UBAC2: variants seen among roughly 807,000 people sequenced by gnomAD.
UBAC2 encodes the protein UBA domain containing 2, also known as ubiquitin-associated domain-containing protein 2.
A neutral mutation model predicts 44.0 loss-of-function variants in UBAC2; 26 were observed. That is an observed-to-expected ratio of 0.59 (90% CI 0.43 to 0.82). UBAC2 has a LOEUF of 0.82. Among genes scored for constraint, UBAC2 ranks in the 40% least tolerant of loss-of-function variants. The pLI is 0.00. For synonymous variants in UBAC2, 155 were observed against 154.3 expected, an observed-to-expected ratio of 1.00 and a Z score of -0.04; for missense variants, 329 against 419.4, an observed-to-expected ratio of 0.78 and a Z score of 1.88.
At chr13:99,301,713 G>T (rs1411498613) in intron 4 of UBAC2, among the ~76,000 whole-genome samples, 1 of 152,150 alleles carries the variant, frequency 6.6e-6, no homozygotes, top group Non-Finnish European at 1.5e-5. Flanking sequence ...ATACCCACTT[G>T]GAGGGATTTG....
At chr13:99,201,364 G>T in intron 1 of UBAC2, 1 of 1,573,788 alleles carries the variant, frequency 6.4e-7, no homozygotes, top group South Asian at 1.2e-5. Context: ...GCCCCCACTT[G>T]CAAAGTTCAG....
intron 6 of UBAC2, among the ~76,000 whole-genome samples, chr13:99,338,638 T>G (rs1269732938): frequency 6.6e-6 from 1 of 152,228 alleles, no homozygotes; most frequent in Non-Finnish European, 1.5e-5. Flanking sequence ...TTTCTTTGTC[T>G]TGTACTATTT....
intron 4 of UBAC2, among the ~76,000 whole-genome samples, chr13:99,264,875 A>G (rs2043720320): frequency 6.6e-6 from 1 of 152,162 alleles, no homozygotes; most frequent in Non-Finnish European, 1.5e-5. Flanking sequence ...AGGAAAACCA[A>G]GAATGTGTCT....
chr13:99,380,746 T>C (rs2045540284), intron 8 of UBAC2, among the ~76,000 whole-genome samples: 1 of 152,240 alleles, frequency 6.6e-6, no homozygotes, highest in Admixed American at 6.5e-5. Flanking sequence ...AGGTGCCCTT[T>C]CTTAGTGTAA....
At chr13:99,203,916 T>C (rs2042836749) in intron 1 of UBAC2, among the ~76,000 whole-genome samples, 1 of 152,232 alleles carries the variant, frequency 6.6e-6, no homozygotes, top group Non-Finnish European at 1.5e-5. Context: ...CACCCTGCCA[T>C]GCCTGTTTCA....
chr13:99,305,743 A>G (rs1259173334), intron 4 of UBAC2, among the ~76,000 whole-genome samples: 1 of 152,196 alleles, frequency 6.6e-6, no homozygotes, highest in Non-Finnish European at 1.5e-5. Flanking sequence ...GTGAGTGAAC[A>G]TTTTGTGGAG....
intron 2 of UBAC2, among the ~76,000 whole-genome samples, chr13:99,239,094 G>T (rs2043271653): frequency 6.6e-6 from 1 of 152,158 alleles, no homozygotes; most frequent in South Asian, 2.1e-4. Context: ...CTATGAATTG[G>T]AGTGTTCATG....
At chr13:99,340,771 T>C (rs2044874204) in intron 7 of UBAC2, among the ~76,000 whole-genome samples, 1 of 152,200 alleles carries the variant, frequency 6.6e-6, no homozygotes, top group Admixed American at 6.5e-5. Flanking sequence ...AGCTGAAAGA[T>C]TGGTCAAACT....
chr13:99,355,072 T>G (rs1225502445), intron 7 of UBAC2, among the ~76,000 whole-genome samples: 1 of 152,186 alleles, frequency 6.6e-6, no homozygotes, highest in Admixed American at 6.5e-5. Context: ...GGATGAACTC[T>G]CCACGGAGGA....
intron 1 of UBAC2, among the ~76,000 whole-genome samples, chr13:99,216,082 T>TTGTGTGTGTGTGTGTG (rs3031384): frequency 6.7e-6 from 1 of 148,740 alleles, no homozygotes; most frequent in African/African-American, 2.5e-5. Context: ...CAACCTATAT[T>TTGTGTGTGTGTGTGTG]TGTGTGTGTG....
At chr13:99,215,616 C>A in intron 1 of UBAC2, 1 of 1,322,476 alleles carries the variant, frequency 7.6e-7, no homozygotes. Context: ...GGCAGTTGCA[C>A]CCACATGTCT....
At chr13:99,249,323 A>G (rs1487191310) in intron 4 of UBAC2, among the ~76,000 whole-genome samples, 4 of 152,130 alleles carry the variant, frequency 2.6e-5, no homozygotes, top group Non-Finnish European at 4.4e-5. Flanking sequence ...TAATTTATTT[A>G]GGATAATGGC....
At chr13:99,215,984 G>T (rs1347593180) in intron 1 of UBAC2, among the ~76,000 whole-genome samples, 1 of 152,140 alleles carries the variant, frequency 6.6e-6, no homozygotes, top group African/African-American at 2.4e-5. Context: ...AGTAATATTA[G>T]TCTTTAATAA....
chr13:99,240,307 G>C (rs1005811384), intron 2 of UBAC2, among the ~76,000 whole-genome samples: 3 of 152,162 alleles, frequency 2.0e-5, no homozygotes, highest in African/African-American at 7.2e-5. Flanking sequence ...AGCTCTCATA[G>C]TTTTGTGTCC....
At chr13:99,292,612 AT>A (rs1449037697) in intron 4 of UBAC2, among the ~76,000 whole-genome samples, 2 of 152,096 alleles carry the variant, frequency 1.3e-5, no homozygotes, top group Non-Finnish European at 2.9e-5. Flanking sequence ...CTCTTCACAT[AT>A]ACATGATGCC....
chr13:99,215,603 AG>A, intron 1 of UBAC2: 4 of 1,328,742 alleles, frequency 3.0e-6, no homozygotes, highest in Non-Finnish European at 3.2e-6. Context: ...CGCTGTACAC[AG>A]CGGCAGTTGC....
intron 6 of UBAC2, among the ~76,000 whole-genome samples, chr13:99,335,826 A>G (rs962503571): frequency 2.6e-5 from 4 of 152,182 alleles, no homozygotes; most frequent in Non-Finnish European, 4.4e-5. Context: ...CAGAGGCGCC[A>G]TAGCTTCACC....
intron 8 of UBAC2, among the ~76,000 whole-genome samples, chr13:99,378,974 A>G (rs2045517120): frequency 6.6e-6 from 1 of 152,244 alleles, no homozygotes; most frequent in Non-Finnish European, 1.5e-5. Context: ...CTGGAGGATG[A>G]ACAGAAAAGT....
At chr13:99,224,125 G>C (rs997413657) in intron 1 of UBAC2, among the ~76,000 whole-genome samples, 1 of 152,188 alleles carries the variant, frequency 6.6e-6, no homozygotes, top group Non-Finnish European at 1.5e-5. Flanking sequence ...TACAGACCCA[G>C]AAGCTAGAAG....
Sources: allele counts gnomAD v4.1 joint callset (sites outside exome capture counted in the v4.1 genomes callset), GRCh38; gene constraint gnomAD v4.1.1; transcripts MANE v1.5; gene names NCBI Gene and HGNC (gene_info 2026-07-23, HGNC 2026-07-21).